PJA2: variants seen among roughly 807,000 people sequenced by gnomAD.
The protein encoded by PJA2 is E3 ubiquitin-protein ligase Praja-2.
Under a neutral mutation model 69.3 loss-of-function variants are expected in PJA2, and 25 were observed. The observed-to-expected ratio is 0.36, with a 90% CI of 0.26 to 0.50. PJA2 has a LOEUF of 0.50. Ranked by LOEUF, PJA2 falls within the 20% of genes least tolerant of loss-of-function variation. The pLI, the probability that PJA2 is intolerant of heterozygous loss-of-function variation, is 0.96. For missense variants in PJA2, 809 were observed against 830.2 expected (o/e 0.97, Z 0.31); for synonymous variants, 308 against 277.8 (o/e 1.11, Z -1.08).
chr5:109,397,094 C>T (rs985759766), intron 1 of PJA2, among the ~76,000 whole-genome samples: 1 of 152,170 alleles, frequency 6.6e-6, no homozygotes, highest in Non-Finnish European at 1.5e-5. Flanking sequence ...CTACTTAGCC[C>T]TTTTCGCTCT....
intron 1 of PJA2, among the ~76,000 whole-genome samples, chr5:109,404,603 C>T (rs1351263984): frequency 6.6e-6 from 1 of 152,050 alleles, no homozygotes; most frequent in East Asian, 1.9e-4. Context: ...GTAGATTCAG[C>T]GTTTGGTGAG....
At chr5:109,379,415 G>A (rs1024192807) in intron 3 of PJA2, among the ~76,000 whole-genome samples, 161 bp from the exon 4 acceptor site, 21 of 152,192 alleles carry the variant, frequency 1.4e-4, no homozygotes, top group Admixed American at 6.5e-4. Flanking sequence ...TGAGAATGCA[G>A]ACTGATTACT....
At chr5:109,339,822 C>T (rs916164487) in intron 9 of PJA2, among the ~76,000 whole-genome samples, 5 of 152,188 alleles carry the variant, frequency 3.3e-5, no homozygotes, top group African/African-American at 9.7e-5. Context: ...CTTATAAAAA[C>T]ACTAGAGGTT....
Position 109,378,604 on chromosome 5 carries a change from T to A in PJA2, c.883A>T (p.Ser295Cys). The change falls in exon 4 of 10, where the codon AGT becomes TGT. Residue 295 changes from serine (S) to cysteine (C), a missense_variant. Physicochemically the swap from Ser to Cys is moderately radical, Grantham distance 112. This residue lies in a region of PJA2 where 700 missense variants were observed against 639.5 expected (regional missense o/e 1.09). Coordinates refer to ENST00000361189, the MANE Select transcript of PJA2 (RefSeq NM_014819.5). ...TCCCTATCATTGGTATTTTGTTCAC[T>A]ACAAATATGCCCTGGACCACAGGCT... ...DAACGPGHIC[S>C]EQNTNDREKN... The A allele has an allele frequency of 5.0e-6, 8 of 1,614,218 alleles. No homozygotes were observed. Among genetic ancestry groups the A allele is most frequent in the Non-Finnish European group, 6.8e-6 (8 of 1,180,014 alleles).
rs1237901895 is a variant in PJA2 at position 109,344,755 on chromosome 5, T to C, written c.1829A>G (p.Lys610Arg). Residue 610 changes from lysine (K) to arginine (R), a missense_variant, in exon 8 of 10, where the codon AAG becomes AGG. Around this residue, in one of 4 missense-constraint regions of PJA2, gnomAD observed 55 missense variants for 90.7 expected, o/e 0.61. Transcript: ENST00000361189. ...DVEVANPPAS[K>R]ESIDGLPETL... The stretch of plus-strand genomic sequence containing the variant: ...CTCTGGAAGACCATCAATGCTTTCC[T>C]TACTAGCTGGTGGATTGGCCACCTC... 1 of 1,614,106 alleles carries C rather than the reference T, an allele frequency of 6.2e-7. No individual in the cohort carries two copies. Among genetic ancestry groups the C allele is most frequent in the Non-Finnish European group, 8.5e-7 (1 of 1,179,980 alleles).
intron 6 of PJA2, among the ~76,000 whole-genome samples, chr5:109,357,264 T>C (rs1287383265): frequency 6.6e-6 from 1 of 150,964 alleles, no homozygotes; most frequent in Non-Finnish European, 1.5e-5. Flanking sequence ...CATATCCTAT[T>C]TGAATATCAT....
chr5:109,392,498 T>A (rs752226242), intron 1 of PJA2, among the ~76,000 whole-genome samples: 1 of 149,206 alleles, frequency 6.7e-6, no homozygotes, highest in Admixed American at 6.7e-5. Context: ...GAGGTGGAGG[T>A]TGCAGTGAGC....
chr5:109,349,631 A>G (rs1397651660), intron 7 of PJA2, among the ~76,000 whole-genome samples: 1 of 152,086 alleles, frequency 6.6e-6, no homozygotes, highest in East Asian at 1.9e-4. Flanking sequence ...CACATACCCA[A>G]GTGACTTCTC....
intron 1 of PJA2, among the ~76,000 whole-genome samples, chr5:109,408,923 AG>A (rs1747755005): frequency 6.6e-6 from 1 of 152,272 alleles, no homozygotes; most frequent in Non-Finnish European, 1.5e-5. Context: ...ATGATAAAAC[AG>A]AATACATTAA....
At chr5:109,371,983 T>C (rs1349741289) in intron 4 of PJA2, among the ~76,000 whole-genome samples, 1 of 152,194 alleles carries the variant, frequency 6.6e-6, no homozygotes, top group Non-Finnish European at 1.5e-5. Context: ...TATAAAACAT[T>C]TTCACAATGC....
chr5:109,385,175 T>C (rs114322636), intron 1 of PJA2, among the ~76,000 whole-genome samples: 4,640 of 152,306 alleles, frequency 0.03, 95 homozygotes, highest in Middle Eastern at 0.051. Context: ...GAAGAGATAT[T>C]TGACTTCTGT....
At chr5:109,398,578 A>T (rs1561365411) in intron 1 of PJA2, among the ~76,000 whole-genome samples, 1 of 143,374 alleles carries the variant, frequency 7.0e-6, no homozygotes, top group Non-Finnish European at 1.5e-5. Context: ...TGGGAACTGA[A>T]CAAGGAGAAC....
intron 1 of PJA2, among the ~76,000 whole-genome samples, chr5:109,387,981 T>A (rs1425439858): frequency 6.6e-6 from 1 of 152,222 alleles, no homozygotes; most frequent in Non-Finnish European, 1.5e-5. Flanking sequence ...GAGGGCTAAG[T>A]ATTTGGGCAC....
At chr5:109,338,112 T>C (rs1475648657) in intron 9 of PJA2, among the ~76,000 whole-genome samples, 2 of 152,124 alleles carry the variant, frequency 1.3e-5, no homozygotes, top group Non-Finnish European at 2.9e-5. Context: ...CTTGCAAATC[T>C]GGTCTTTTTC....
intron 3 of PJA2, 23 bp from the exon 4 acceptor site, chr5:109,379,277 C>T (rs1582614460): frequency 1.3e-6 from 2 of 1,515,784 alleles, no homozygotes; most frequent in East Asian, 2.3e-5. Context: ...CAAAAGAAAA[C>T]ATATTTTAAA....
chr5:109,361,538 T>C (rs1197290030), intron 6 of PJA2, among the ~76,000 whole-genome samples: 2 of 152,256 alleles, frequency 1.3e-5, no homozygotes, highest in East Asian at 1.9e-4. Flanking sequence ...GCTGAACACT[T>C]TGAGGAATTA....
chr5:109,354,372 T>A lies in PJA2; in HGVS notation c.1764+1543A>T, dbSNP rs916915802. Among the ~76,000 whole-genome samples, 9 of 139,526 alleles carry A rather than the reference T, an allele frequency of 6.5e-5. No individual in the cohort carries two copies. In the South Asian group the frequency reaches 1.1e-3, roughly 17 times the overall value. The allele number at this position is 139,526 out of a possible 152,430, so 91.5% of individuals were successfully genotyped here. ...GATTGGATATCTATATCTAGAGATA[T>A]CTATAGATTAGATATCTCTGATATC... On this transcript the variant is annotated intron_variant, in intron 7 of 9. Coordinates refer to ENST00000361189, the MANE Select transcript of PJA2 (RefSeq NM_014819.5).
chr5:109,384,975 C>A (rs1747125411), intron 1 of PJA2, among the ~76,000 whole-genome samples: 1 of 152,094 alleles, frequency 6.6e-6, no homozygotes, highest in Admixed American at 6.6e-5. Context: ...TGCCACCATG[C>A]CCGGCTAATT....
At chr5:109,352,984 TATCTATAGATATCTATATATTAGATACC>T (rs1391239227) in intron 7 of PJA2, among the ~76,000 whole-genome samples, 2 of 38,726 alleles carry the variant, frequency 5.2e-5, no homozygotes, top group Admixed American at 2.5e-4. Context: ...TAGATACCTA[TATCTATAGATATCTATATATTAGATACC>T]TATATCTATA....
Sources: allele counts gnomAD v4.1 joint callset (sites outside exome capture counted in the v4.1 genomes callset), GRCh38; gene constraint gnomAD v4.1.1; regional missense constraint gnomAD v4.1.1; transcripts MANE v1.5; gene names NCBI Gene and HGNC (gene_info 2026-07-23, HGNC 2026-07-21).